Variants in RGS6 observed in about 807,000 individuals in gnomAD.
RGS6 encodes regulator of G-protein signaling 6.
In RGS6, 30 loss-of-function variants were observed where a neutral mutation model predicts 78.5. The ratio of observed to expected loss-of-function variants is 0.38; its 90% CI spans 0.29 to 0.52. RGS6 has a LOEUF of 0.52. Among genes scored for constraint, RGS6 ranks in the 20% least tolerant of loss-of-function variants. The pLI is 0.85. For missense variants in RGS6, 495 were observed against 609.7 expected (o/e 0.81, Z 1.98); for synonymous variants, 206 against 206.0 (o/e 1.00, Z 0.00).
At chr14:72,238,542 A>G (rs2051815566) in intron 2 of RGS6, among the ~76,000 whole-genome samples, 1 of 152,084 alleles carries the variant, frequency 6.6e-6, no homozygotes, top group Admixed American at 6.5e-5. Flanking sequence ...CTTTGGCTCT[A>G]TTTAAGCTCC....
chr14:71,880,341 G>A, the RGS6 span, among the ~76,000 whole-genome samples: 218 of 152,328 alleles, frequency 1.4e-3, 3 homozygotes, highest in African/African-American at 5.0e-3. Flanking sequence ...GCAGAAATTC[G>A]CATTAGTAAT....
chr14:71,884,862 A>G, the RGS6 span, among the ~76,000 whole-genome samples: 1 of 152,110 alleles, frequency 6.6e-6, no homozygotes, highest in South Asian at 2.1e-4. Context: ...TGGGCCCTGG[A>G]GCATACAATT....
intron 2 of RGS6, chr14:71,990,876 C>CAACA (rs1566972859): frequency 2.2e-6 from 1 of 455,932 alleles, no homozygotes; most frequent in Non-Finnish European, 4.4e-6. Context: ...CAAAACTGTT[C>CAACA]TCCTTCTGAG....
intron 2 of RGS6, among the ~76,000 whole-genome samples, chr14:72,021,335 C>A (rs967223055): frequency 1.3e-5 from 2 of 152,186 alleles, no homozygotes; most frequent in African/African-American, 4.8e-5. Context: ...TCTTCTCACC[C>A]ATCTGTGGCC....
At chr14:72,522,774 G>A (rs896486725) in intron 15 of RGS6, among the ~76,000 whole-genome samples, 2 of 152,142 alleles carry the variant, frequency 1.3e-5, no homozygotes, top group African/African-American at 4.8e-5. Context: ...CTGTAGATTT[G>A]AATCACAGAC....
intron 3 of RGS6, among the ~76,000 whole-genome samples, chr14:72,371,536 C>T (rs983507358): frequency 1.6e-4 from 25 of 152,074 alleles, no homozygotes; most frequent in South Asian, 2.1e-4. Flanking sequence ...CCAAGGCGGG[C>T]GGATCACCTG....
At chr14:72,522,753 C>G (rs187292451) in intron 15 of RGS6, among the ~76,000 whole-genome samples, 253 of 152,224 alleles carry the variant, frequency 1.7e-3, no homozygotes, top group African/African-American at 5.9e-3. Flanking sequence ...ATCTAGATCA[C>G]AGGTCTGTAT....
intron 2 of RGS6, among the ~76,000 whole-genome samples, chr14:71,995,149 C>G (rs377650151): frequency 3.2e-4 from 49 of 152,278 alleles, no homozygotes; most frequent in African/African-American, 1.0e-3. Flanking sequence ...ACCCCTTTTC[C>G]CTCATAAGCC....
chr14:72,609,005 C>A, the RGS6 span, among the ~76,000 whole-genome samples: 1 of 152,226 alleles, frequency 6.6e-6, no homozygotes, highest in Non-Finnish European at 1.5e-5. Context: ...GAGGTCCTAA[C>A]TATCCGTAGG....
chr14:72,147,988 G>A (rs149144766), intron 2 of RGS6, among the ~76,000 whole-genome samples: 3,728 of 152,086 alleles, frequency 0.025, 59 homozygotes, highest in Middle Eastern at 0.051. Context: ...AAAATTAGCT[G>A]GGCATGGTGG....
chr14:72,004,233 C>T (rs369255571), intron 2 of RGS6, among the ~76,000 whole-genome samples: 9 of 152,198 alleles, frequency 5.9e-5, no homozygotes, highest in East Asian at 1.9e-4. Flanking sequence ...CATTTACTGA[C>T]GTTGTAGTTC....
intron 2 of RGS6, among the ~76,000 whole-genome samples, chr14:72,010,297 A>T (rs1453877364): frequency 6.6e-6 from 1 of 152,174 alleles, no homozygotes; most frequent in Non-Finnish European, 1.5e-5. Flanking sequence ...GAAAGTTCAG[A>T]CAAATTAACT....
At chr14:72,570,382 G>A (rs1257691957), downstream of RGS6, among the ~76,000 whole-genome samples, 1 of 152,168 alleles carries the variant, frequency 6.6e-6, no homozygotes, top group Admixed American at 6.5e-5. Flanking sequence ...AGGGACAACT[G>A]TACTAGGAAA....
At chr14:72,561,169 C>T (rs1364905341) in intron 17 of RGS6, among the ~76,000 whole-genome samples, 1 of 152,146 alleles carries the variant, frequency 6.6e-6, no homozygotes, top group Non-Finnish European at 1.5e-5. Context: ...CTTCACAAAC[C>T]TGATCAATTT....
At chr14:72,360,491 C>T (rs2081236214) in intron 3 of RGS6, among the ~76,000 whole-genome samples, 1 of 151,784 alleles carries the variant, frequency 6.6e-6, no homozygotes, top group African/African-American at 2.4e-5. Flanking sequence ...CACTGCACTC[C>T]AGCCTGGGTG....
intron 2 of RGS6, among the ~76,000 whole-genome samples, chr14:72,325,333 A>G (rs148076684): frequency 0.017 from 2,550 of 152,122 alleles, 81 homozygotes; most frequent in African/African-American, 0.057. Context: ...AGTTTCTTTT[A>G]CTGTGCAGAA....
intron 2 of RGS6, among the ~76,000 whole-genome samples, chr14:72,182,087 GT>G (rs1318797768): frequency 2.0e-5 from 3 of 152,062 alleles, no homozygotes; most frequent in African/African-American, 2.4e-5. Context: ...CAGGTGTGAG[GT>G]TTTTTTTCTC....
At chr14:72,628,618 A>G in the RGS6 span, among the ~76,000 whole-genome samples, 3 of 152,064 alleles carry the variant, frequency 2.0e-5, no homozygotes, top group Non-Finnish European at 4.4e-5. Flanking sequence ...ACCACCATCT[A>G]TGAAGTAGTC....
At chr14:72,067,824 G>A (rs1467697196) in intron 2 of RGS6, among the ~76,000 whole-genome samples, 1 of 152,004 alleles carries the variant, frequency 6.6e-6, no homozygotes, top group Non-Finnish European at 1.5e-5. Flanking sequence ...GTTTACCAAC[G>A]CTGTAATATT....
Sources: gnomAD v4.1 joint callset for allele counts (sites outside exome capture counted in the v4.1 genomes callset) on GRCh38, gnomAD v4.1.1 for gene constraint, MANE v1.5 for transcripts, NCBI Gene and HGNC (gene_info 2026-07-23, HGNC 2026-07-21) for gene names.